Variants in NEGR1 observed in about 807,000 individuals in gnomAD.
NEGR1 encodes the protein IgLON family member 4.
Under a neutral mutation model 40.9 loss-of-function variants are expected in NEGR1, and 10 were observed. That is an observed-to-expected ratio of 0.24 (90% CI 0.15 to 0.42). NEGR1 has a LOEUF of 0.42. Among genes scored for constraint, NEGR1 ranks in the 10% least tolerant of loss-of-function variants. The probability of loss-of-function intolerance (pLI) is 1.00; values close to 1 mark genes in which losing one functional copy is unlikely to be tolerated. For synonymous variants in NEGR1, 185 were observed against 166.8 expected, an observed-to-expected ratio of 1.11 and a Z score of -0.84; for missense variants, 352 against 438.9, an observed-to-expected ratio of 0.80 and a Z score of 1.77.
chr1:71,571,706 T>C (rs746015490), intron 6 of NEGR1, among the ~76,000 whole-genome samples: 3 of 144,502 alleles, frequency 2.1e-5, no homozygotes, highest in Non-Finnish European at 4.5e-5. Flanking sequence ...GGTGGGAAGA[T>C]GGCTTAAGCC....
chr1:72,216,090 C>T (rs1238142371), intron 1 of NEGR1, among the ~76,000 whole-genome samples: 2 of 151,754 alleles, frequency 1.3e-5, no homozygotes, highest in East Asian at 3.9e-4. Flanking sequence ...CCATCATTCT[C>T]AGCAAACTAA....
At chr1:72,061,524 C>G (rs943354703) in intron 1 of NEGR1, among the ~76,000 whole-genome samples, 4 of 151,688 alleles carry the variant, frequency 2.6e-5, no homozygotes, top group African/African-American at 9.7e-5. Context: ...GTGTCTAATT[C>G]AACACCCAGC....
intron 6 of NEGR1, among the ~76,000 whole-genome samples, chr1:71,541,470 C>T (rs775084309): frequency 1.3e-5 from 2 of 151,696 alleles, no homozygotes; most frequent in African/African-American, 4.8e-5. Context: ...GGAGTATTGG[C>T]TTTACATTTT....
At chr1:72,130,280 A>G (rs988616142) in intron 1 of NEGR1, among the ~76,000 whole-genome samples, 6 of 152,160 alleles carry the variant, frequency 3.9e-5, no homozygotes, top group Admixed American at 6.5e-5. Flanking sequence ...GGCACAGATA[A>G]AGTTGTTTAG....
intron 1 of NEGR1, among the ~76,000 whole-genome samples, chr1:72,229,043 A>G (rs1202208085): frequency 6.6e-6 from 1 of 152,086 alleles, no homozygotes; most frequent in African/African-American, 2.4e-5. Context: ...ACAAGTCACA[A>G]TGCAGGCATT....
chr1:71,492,306 C>G (rs570388045), intron 6 of NEGR1, among the ~76,000 whole-genome samples: 1 of 151,918 alleles, frequency 6.6e-6, no homozygotes, highest in Non-Finnish European at 1.5e-5. Context: ...CCCTTGGGCA[C>G]GGGATAAATT....
chr1:71,819,508 T>C (rs1454674617), intron 2 of NEGR1, among the ~76,000 whole-genome samples: 1 of 151,836 alleles, frequency 6.6e-6, no homozygotes, highest in East Asian at 1.9e-4. Context: ...CTCTTGGAAA[T>C]TAAGCAAGTA....
chr1:71,803,007 G>A (rs550064321), intron 2 of NEGR1, among the ~76,000 whole-genome samples: 5 of 152,274 alleles, frequency 3.3e-5, no homozygotes, highest in African/African-American at 9.6e-5. Flanking sequence ...GTGAGGACAT[G>A]AATTTGGGGA....
chr1:71,498,438 G>A (rs1172838972), intron 6 of NEGR1, among the ~76,000 whole-genome samples: 3 of 151,838 alleles, frequency 2.0e-5, no homozygotes, highest in African/African-American at 7.3e-5. Context: ...TAAAGAAAAG[G>A]GATGTACATA....
intron 2 of NEGR1, among the ~76,000 whole-genome samples, chr1:71,928,486 G>T (rs1351282491): frequency 1.6e-5 from 2 of 127,136 alleles, no homozygotes; most frequent in East Asian, 2.7e-4. Flanking sequence ...ACATATATAT[G>T]TATATATACA....
chr1:72,007,267 C>T (rs1231806693), intron 1 of NEGR1, among the ~76,000 whole-genome samples: 1 of 151,796 alleles, frequency 6.6e-6, no homozygotes, highest in Admixed American at 6.6e-5. Flanking sequence ...TATCTTTCTC[C>T]TAGTTTGAAG....
chr1:71,585,808 A>G (rs1057205521), intron 6 of NEGR1, among the ~76,000 whole-genome samples: 1 of 151,888 alleles, frequency 6.6e-6, no homozygotes, highest in Non-Finnish European at 1.5e-5. Context: ...GCATTAACAA[A>G]TGAATCAAAG....
At chr1:72,262,019 A>T (rs1570192856) in intron 1 of NEGR1, among the ~76,000 whole-genome samples, 1 of 152,152 alleles carries the variant, frequency 6.6e-6, no homozygotes, top group South Asian at 2.1e-4. Context: ...TATTTGTTTT[A>T]AAAAGAAGGG....
At chr1:71,546,110 G>T (rs1028698711) in intron 6 of NEGR1, among the ~76,000 whole-genome samples, 2 of 151,742 alleles carry the variant, frequency 1.3e-5, no homozygotes, top group African/African-American at 4.8e-5. Context: ...TTGGTCACAA[G>T]TCTTTCTAAT....
chr1:72,165,483 T>C (rs1348057743), intron 1 of NEGR1, among the ~76,000 whole-genome samples: 3 of 152,032 alleles, frequency 2.0e-5, no homozygotes, highest in Admixed American at 2.0e-4. Context: ...TCCAACAGCA[T>C]ATCCAGGGAA....
At chr1:71,747,977 T>A (rs1020337697) in intron 3 of NEGR1, among the ~76,000 whole-genome samples, 1 of 152,178 alleles carries the variant, frequency 6.6e-6, no homozygotes, top group Non-Finnish European at 1.5e-5. Context: ...ACAGAATAAG[T>A]CTACCAATAT....
At chr1:71,852,480 T>G (rs1414658353) in intron 2 of NEGR1, among the ~76,000 whole-genome samples, 3 of 152,136 alleles carry the variant, frequency 2.0e-5, no homozygotes, top group Non-Finnish European at 2.9e-5. Context: ...CTAAATCTTA[T>G]CTGGAGCCTA....
chr1:72,236,329 G>A (rs548106819), intron 1 of NEGR1, among the ~76,000 whole-genome samples: 1 of 152,058 alleles, frequency 6.6e-6, no homozygotes, highest in South Asian at 2.1e-4. Context: ...AATACCTAAT[G>A]TAGATAACAA....
intron 2 of NEGR1, among the ~76,000 whole-genome samples, chr1:71,878,664 T>C (rs953657733): frequency 1.3e-5 from 2 of 150,196 alleles, no homozygotes; most frequent in African/African-American, 2.4e-5. Flanking sequence ...ATGAAATAGT[T>C]GCAGTTACCA....
Sources: gnomAD v4.1 joint callset for allele counts (sites outside exome capture counted in the v4.1 genomes callset) on GRCh38, gnomAD v4.1.1 for gene constraint, MANE v1.5 for transcripts, NCBI Gene and HGNC (gene_info 2026-07-23, HGNC 2026-07-21) for gene names.